The following NEK3 variants were observed in gnomAD, a reference collection of about 807,000 sequenced individuals.
NEK3 encodes the protein NIMA related kinase 3.
Under a neutral mutation model 66.0 loss-of-function variants are expected in NEK3, and 54 were observed. The ratio of observed to expected loss-of-function variants is 0.82; its 90% CI spans 0.66 to 1.03. The LOEUF is 1.03. NEK3 is among the 50% of genes least tolerant of loss of function. The pLI is 0.00. For missense variants in NEK3, 593 were observed against 603.0 expected (o/e 0.98, Z 0.17); for synonymous variants, 200 against 206.2 (o/e 0.97, Z 0.26).
intron 9 of NEK3, 147 bp downstream of exon 9, chr13:52,144,544 A>C: frequency 1.5e-6 from 1 of 654,730 alleles, no homozygotes; most frequent in Non-Finnish European, 2.6e-6. Context: ...AAGAGGAAGG[A>C]AACGAAGTTT....
At chr13:52,149,199 C>A (rs546111046) in intron 7 of NEK3, among the ~76,000 whole-genome samples, 22 of 151,806 alleles carry the variant, frequency 1.4e-4, no homozygotes, top group Middle Eastern at 3.4e-3. Flanking sequence ...GCGCCCAGCC[C>A]ACCTTTTCTT....
At chr13:52,135,940 A>G in intron 13 of NEK3, 77 bp from the exon 14 acceptor site, 1 of 1,539,094 alleles carries the variant, frequency 6.5e-7, no homozygotes, top group Non-Finnish European at 8.8e-7. Flanking sequence ...CATATTTTCA[A>G]GCGAAGTTAG....
chr13:52,136,344 G>A, intron 12 of NEK3, 85 bp from the exon 13 acceptor site: 2 of 1,303,328 alleles, frequency 1.5e-6, no homozygotes, highest in Non-Finnish European at 2.1e-6. Flanking sequence ...AACAAATATG[G>A]AAGTGTTTCT....
In NEK3 at chr13:52,133,766, C is replaced by T. The variant is rs371266600; in HGVS notation, c.1359G>A (p.Ser453=). 5.0e-5 allele frequency: 79 copies of T among 1,592,416 alleles called. No individual in the cohort carries two copies. In the African/African-American group the frequency reaches 5.1e-4, roughly 10 times the overall value. The change falls in exon 15 of 16, where the codon TCG becomes TCA. Residue 453 remains serine, a synonymous_variant. Transcript: ENST00000610828. ...KGPLSEETEA[S]DSVDGGHDSV... Reference sequence around the variant, plus strand: ...AATCGTGACCTCCATCAACACTGTCCGATGCTTCTGTTTCTTCAGACAGGG... The same window carrying T: ...AATCGTGACCTCCATCAACACTGTCTGATGCTTCTGTTTCTTCAGACAGGG...
At chr13:52,133,305 C>T in intron 15 of NEK3, 79 bp from the exon 16 acceptor site, 2 of 1,136,360 alleles carry the variant, frequency 1.8e-6, no homozygotes, top group Admixed American at 2.1e-5. Flanking sequence ...CGGAATACCA[C>T]CATAACAATA....
Position 52,132,930 on chromosome 13 carries a change from T to C in NEK3, c.*212A>G, listed in dbSNP as rs1027556583. 3.7e-6 allele frequency: 2 copies of C among 539,938 alleles called. No homozygotes were observed. The highest frequency in any genetic ancestry group is 6.6e-6 in the Non-Finnish European group (2 of 301,404). 33.4% of individuals were successfully genotyped at this position (539,938 alleles called of 1,614,324 possible). A position where few individuals can be genotyped will look rare whatever the true frequency, so the allele number is the denominator to read the frequency against. On this transcript the variant is annotated 3_prime_UTR_variant, in exon 16 of 16. Coordinates refer to ENST00000610828, the MANE Select transcript of NEK3 (RefSeq NM_002498.3). ...AGCCCGATGCTCACACTCATTCCAC[T>C]ATACCTTCTCCCTTGAGTTCAAAAA...
intron 8 of NEK3, among the ~76,000 whole-genome samples, chr13:52,145,928 T>C (rs557755211): frequency 6.6e-6 from 1 of 152,322 alleles, no homozygotes; most frequent in African/African-American, 2.4e-5. Context: ...ACTCTGAACA[T>C]GTACCCCAGA....
At chr13:52,138,471 A>C (rs1956222674) in intron 11 of NEK3, among the ~76,000 whole-genome samples, 1 of 152,228 alleles carries the variant, frequency 6.6e-6, no homozygotes, top group Non-Finnish European at 1.5e-5. Context: ...TACAATGAAA[A>C]GAAAAAAAGT....
intron 9 of NEK3, 107 bp downstream of exon 9, chr13:52,144,584 A>G: frequency 1.1e-6 from 1 of 871,066 alleles, no homozygotes. Flanking sequence ...ATACTTCTGT[A>G]TCATTTGGAT....
chr13:52,133,468 G>T (rs1479739329), intron 15 of NEK3, among the ~76,000 whole-genome samples: 1 of 152,072 alleles, frequency 6.6e-6, no homozygotes, highest in African/African-American at 2.4e-5. Context: ...AAAGGCTATA[G>T]GTGTAGGGCT....
chr13:52,155,311 T>C (rs185028265), intron 2 of NEK3, among the ~76,000 whole-genome samples: 8 of 152,354 alleles, frequency 5.3e-5, no homozygotes, highest in Non-Finnish European at 4.4e-5. Flanking sequence ...AGGACAACTA[T>C]GATACATAGT....
intron 8 of NEK3, among the ~76,000 whole-genome samples, chr13:52,147,904 G>A (rs1457182464): frequency 2.6e-5 from 4 of 152,300 alleles, no homozygotes; most frequent in East Asian, 1.9e-4. Context: ...GCTGAGGCAG[G>A]AGAATCACTT....
rs547698103 is a variant in NEK3, at chr13:52,134,731, T to C, written c.1310-916A>G. Among the ~76,000 whole-genome samples, 8 of 152,310 alleles carry C rather than the reference T, an allele frequency of 5.3e-5. No individual in the cohort carries two copies. In the South Asian group the frequency reaches 1.2e-3, roughly 24 times the overall value. ...AAATCCAGGACCTAAAATTGCAAAATTGAAATTCATAACCGTTAAACTTCC... is the reference window on the plus strand; with the variant it reads ...AAATCCAGGACCTAAAATTGCAAAACTGAAATTCATAACCGTTAAACTTCC... On this transcript the variant is annotated intron_variant, in intron 14 of 15. Coordinates refer to ENST00000610828, the MANE Select transcript of NEK3 (RefSeq NM_002498.3).
chr13:52,146,124 G>A (rs1327666430), intron 8 of NEK3, among the ~76,000 whole-genome samples: 1 of 151,932 alleles, frequency 6.6e-6, no homozygotes, highest in East Asian at 1.9e-4. Context: ...GTCGAATCTT[G>A]CTTAAGAAAT....
chr13:52,134,173 G>A (rs9535881), intron 14 of NEK3, among the ~76,000 whole-genome samples: 5,215 of 152,168 alleles, frequency 0.034, 122 homozygotes, highest in South Asian at 0.077. Flanking sequence ...TGGGACTAGA[G>A]GTGTCCAGAA....
At chr13:52,148,505 G>T (rs1392399831) in intron 7 of NEK3, 36 bp from the exon 8 acceptor site, 2 of 1,583,150 alleles carry the variant, frequency 1.3e-6, no homozygotes, top group Non-Finnish European at 1.7e-6. Context: ...TCACAAGCAG[G>T]TTACGTATTT....
At chr13:52,138,589 C>T (rs936523118) in intron 11 of NEK3, among the ~76,000 whole-genome samples, 4 of 152,092 alleles carry the variant, frequency 2.6e-5, no homozygotes, top group Non-Finnish European at 5.9e-5. Context: ...TAGTACATTC[C>T]ATGAAGAGAG....
chr13:52,135,741 T>C lies in NEK3; in HGVS notation c.1297A>G (p.Ile433Val). Residue 433 changes from isoleucine to valine, a missense_variant, in exon 14 of 16, where the codon ATA becomes GTA. Coordinates refer to ENST00000610828, the MANE Select transcript of NEK3 (RefSeq NM_002498.3). ...AGACATGAATTACCTGGTCTATATA[T>C]TGTGTATGTTTGAAAAGCCAAGCTG... ...DLSLAFQTYT[I>V]YRPGSEGFLK... 6.2e-7 allele frequency: 1 copy of C among 1,612,930 alleles called. No individual in the cohort carries two copies.
Position 52,132,649 on chromosome 13 carries a change from ATAAT to A in NEK3, c.*489_*492del, listed in dbSNP as rs1210281585. 2.0e-5 allele frequency: 3 copies of A among 152,572 alleles called. No homozygotes were observed. The highest frequency in any genetic ancestry group is 7.2e-5 in the African/African-American group (3 of 41,460). 9.5% of individuals were successfully genotyped at this position (152,572 alleles called of 1,614,324 possible). On this transcript the variant is annotated 3_prime_UTR_variant, in exon 16 of 16. Transcript: ENST00000610828. ...GAAAAACTGCACACATTACTAAATCATAATTAAATATATTTAATTCTCAAACCTT... is the reference window on the plus strand; with the variant it reads ...GAAAAACTGCACACATTACTAAATCATAAATATATTTAATTCTCAAACCTT...
Sources: allele counts gnomAD v4.1 joint callset (sites outside exome capture counted in the v4.1 genomes callset), GRCh38; gene constraint gnomAD v4.1.1; transcripts MANE v1.5; gene names NCBI Gene and HGNC (gene_info 2026-07-23, HGNC 2026-07-21).